The following MFF variants were observed in gnomAD, a reference collection of about 807,000 sequenced individuals.
The protein encoded by MFF is chromosome 2 open reading frame 33.
Under a neutral mutation model 36.9 loss-of-function variants are expected in MFF, and 12 were observed. The observed-to-expected ratio is 0.33, with a 90% CI of 0.21 to 0.53. The LOEUF (loss-of-function observed/expected upper bound fraction) is 0.53, where lower values mean the gene tolerates loss of function less well. Among genes scored for constraint, MFF ranks in the 20% least tolerant of loss-of-function variants. MFF has a pLI of 0.95. For missense variants in MFF, 348 were observed against 366.6 expected (o/e 0.95, Z 0.42); for synonymous variants, 99 against 126.2 (o/e 0.78, Z 1.44).
intron 4 of MFF, 151 bp downstream of exon 4, chr2:227,332,739 A>G (rs1187165125): frequency 1.8e-6 from 1 of 560,544 alleles, no homozygotes. Context: ...AAATGTGCCA[A>G]ATAAGTTATT....
chr2:227,354,065 C>T (rs1375829082), intron 7 of MFF, among the ~76,000 whole-genome samples: 1 of 152,138 alleles, frequency 6.6e-6, no homozygotes, highest in East Asian at 1.9e-4. Flanking sequence ...ACCCTAACTG[C>T]TCCAGGTTGT....
chr2:227,335,749 C>T (rs1237737594), intron 4 of MFF, among the ~76,000 whole-genome samples: 1 of 152,164 alleles, frequency 6.6e-6, no homozygotes, highest in Non-Finnish European at 1.5e-5. Flanking sequence ...TTGAGGAGGG[C>T]TTAAAACATA....
rs535111295 is a variant in MFF at position 227,347,306 on chromosome 2, G to A, written c.521G>A (p.Arg174His). 9 of 1,613,570 alleles carry A rather than the reference G, an allele frequency of 5.6e-6. No individual in the cohort carries two copies. The highest frequency in any genetic ancestry group is 4.5e-5 in the East Asian group (2 of 44,858). ...GATGGAGCTAATCTTTCCTCTGCTC[G>A]TGGCATTTTGTCGCTTATCCAGTCT... ...PEDGANLSSARGILSLIQSST... is the reference protein window; with the variant it reads ...PEDGANLSSAHGILSLIQSST... Residue 174 changes from arginine to histidine, a missense_variant, in exon 6 of 9, where the codon CGT becomes CAT. By Grantham distance (29) the Arg-to-His change is conservative. Coordinates refer to ENST00000304593, the MANE Select transcript of MFF (RefSeq NM_001277062.2).
chr2:227,335,196 T>A (rs1023608211), intron 4 of MFF, among the ~76,000 whole-genome samples: 2 of 146,876 alleles, frequency 1.4e-5, no homozygotes, highest in African/African-American at 5.0e-5. Context: ...AAGGTACTGA[T>A]ACATGCCACA....
At chr2:227,345,416 C>G (rs1201997508) in intron 5 of MFF, among the ~76,000 whole-genome samples, 1 of 152,164 alleles carries the variant, frequency 6.6e-6, no homozygotes, top group Non-Finnish European at 1.5e-5. Flanking sequence ...CAGAATGATA[C>G]ACAAAGTGTT....
chr2:227,345,070 G>GC (rs1179102695), intron 5 of MFF, among the ~76,000 whole-genome samples: 3 of 152,080 alleles, frequency 2.0e-5, no homozygotes, highest in Admixed American at 6.5e-5. Flanking sequence ...CCAACCTTCT[G>GC]CATTCCATCT....
chr2:227,328,311 AAAAAAAAAAC>A (rs1445874598), intron 1 of MFF, among the ~76,000 whole-genome samples: 5 of 148,148 alleles, frequency 3.4e-5, no homozygotes, highest in South Asian at 2.2e-4. Flanking sequence ...AAAAAAAAAA[AAAAAAAAAAC>A]CAATTCATTT....
chr2:227,341,108 T>C (rs1427849511), intron 5 of MFF, among the ~76,000 whole-genome samples: 1 of 152,162 alleles, frequency 6.6e-6, no homozygotes, highest in Non-Finnish European at 1.5e-5. Flanking sequence ...ACATCTCTTC[T>C]GAGAGCTAGC....
chr2:227,326,296 A>G (rs560495619), intron 1 of MFF, among the ~76,000 whole-genome samples: 3 of 151,686 alleles, frequency 2.0e-5, no homozygotes, highest in South Asian at 4.2e-4. Context: ...CCTCTCATCC[A>G]CCGAGAGACT....
intron 7 of MFF, 50 bp downstream of exon 7, chr2:227,352,623 G>A (rs1450844400): frequency 2.1e-6 from 3 of 1,417,544 alleles, no homozygotes; most frequent in Non-Finnish European, 2.9e-6. Flanking sequence ...GGCGGAATTT[G>A]TGTGTTGCAG....
chr2:227,333,227 A>G (rs111377343), intron 4 of MFF, among the ~76,000 whole-genome samples: 11 of 152,236 alleles, frequency 7.2e-5, no homozygotes, highest in Non-Finnish European at 1.5e-4. Context: ...ACAATGTGCA[A>G]ACATATGTTT....
intron 6 of MFF, among the ~76,000 whole-genome samples, chr2:227,351,201 T>C (rs1243351347): frequency 6.6e-6 from 1 of 152,144 alleles, no homozygotes; most frequent in Non-Finnish European, 1.5e-5. Flanking sequence ...ATGAGATGAG[T>C]TAAAGACCTG....
chr2:227,342,825 A>G lies in MFF; in HGVS notation c.440+2445A>G, dbSNP rs755576850. 8.7e-6 allele frequency: 14 copies of G among 1,611,492 alleles called. No homozygotes were observed. The South Asian group carries it at 1.5e-4, about 18-fold the overall frequency. Reference sequence around the variant, plus strand: ...ATTTCTGCACCGGAGTACACGTAAGATTTTATCTGCTCTGCTTTTGACAAG... The same window carrying G: ...ATTTCTGCACCGGAGTACACGTAAGGTTTTATCTGCTCTGCTTTTGACAAG... On this transcript the variant is annotated intron_variant, in intron 5 of 8. Coordinates refer to ENST00000304593, the MANE Select transcript of MFF (RefSeq NM_001277062.2).
intron 5 of MFF, among the ~76,000 whole-genome samples, chr2:227,342,325 T>A (rs2106406812): frequency 6.6e-6 from 1 of 152,308 alleles, no homozygotes; most frequent in South Asian, 2.1e-4. Context: ...ATTTACAATT[T>A]ATCTTTAAGA....
chr2:227,356,708 C>T (rs1002670387), intron 8 of MFF, among the ~76,000 whole-genome samples: 2 of 152,266 alleles, frequency 1.3e-5, no homozygotes, highest in African/African-American at 4.8e-5. Context: ...ACCGCTTCCT[C>T]ACCTCACTAT....
intron 4 of MFF, among the ~76,000 whole-genome samples, chr2:227,333,064 AC>A (rs2074716832): frequency 6.6e-6 from 1 of 152,242 alleles, no homozygotes; most frequent in Non-Finnish European, 1.5e-5. Context: ...AGCAGTGTAG[AC>A]TAACAAGGTG....
At chr2:227,347,481 T>A (rs2075775296) in intron 6 of MFF, 97 bp downstream of exon 6, 1 of 963,814 alleles carries the variant, frequency 1.0e-6, no homozygotes, top group South Asian at 1.5e-5. Flanking sequence ...TTTTACCTTC[T>A]AGCCTCTTTC....
In MFF at chr2:227,357,430, T is replaced by C. The variant is rs2076311661; in HGVS notation, c.*313T>C. 1 of 203,784 alleles carries C rather than the reference T, an allele frequency of 4.9e-6. No homozygotes were observed. The highest frequency in any genetic ancestry group is 1.0e-5 in the Non-Finnish European group (1 of 99,406). 12.6% of individuals were successfully genotyped at this position (203,784 alleles called of 1,614,324 possible). ...TTTTTGCCTCATCAGTCCACCCAAC[T>C]GATTCTGAATGGGAGAGAGTCTGTA... is the stretch of plus-strand genomic sequence containing the variant. On this transcript the variant is annotated 3_prime_UTR_variant, in exon 9 of 9. Coordinates refer to ENST00000304593, the MANE Select transcript of MFF (RefSeq NM_001277062.2).
chr2:227,327,309 G>A (rs536515388), intron 1 of MFF, among the ~76,000 whole-genome samples: 39 of 152,108 alleles, frequency 2.6e-4, no homozygotes, highest in Admixed American at 4.6e-4. Flanking sequence ...ACAGAATCAC[G>A]TACTGGTTGC....
Sources: gnomAD v4.1 joint callset for allele counts (sites outside exome capture counted in the v4.1 genomes callset) on GRCh38, gnomAD v4.1.1 for gene constraint, MANE v1.5 for transcripts, NCBI Gene and HGNC (gene_info 2026-07-23, HGNC 2026-07-21) for gene names.